The following MACF1 variants were observed in gnomAD, a reference collection of about 807,000 sequenced individuals.
MACF1 encodes the protein microtubule actin crosslinking factor 1.
Under a neutral mutation model 854.8 loss-of-function variants are expected in MACF1, and 193 were observed. The observed-to-expected ratio is 0.23, with a 90% CI of 0.20 to 0.25. The LOEUF is 0.25. Ranked by LOEUF, MACF1 falls within the 10% of genes least tolerant of loss-of-function variation. The pLI is 1.00. For missense variants in MACF1, 7,722 were observed against 8,929.1 expected (o/e 0.86, Z 5.45); for synonymous variants, 3,185 against 3,226.7 (o/e 0.99, Z 0.44).
rs774053238 is a variant in MACF1, at chr1:39,385,891, C to G, written c.14306C>G (p.Thr4769Arg). 1.2e-6 allele frequency: 2 copies of G among 1,613,092 alleles called. No homozygotes were observed. The highest frequency in any genetic ancestry group is 1.1e-5 in the South Asian group (1 of 91,026). Residue 4769 changes from threonine (T) to arginine (R), a missense_variant, in exon 57 of 101, where the codon ACA becomes AGA. This residue lies in a region of MACF1 where 2,807 missense variants were observed against 3,235.8 expected (regional missense o/e 0.87). Transcript: ENST00000564288. ...LKDELKKRLETVALPLQGLED... is the reference protein window; with the variant it reads ...LKDELKKRLERVALPLQGLED... ...GATGAACTGAAGAAGCGTTTGGAGA[C>G]AGTTGCCCTGCCTCTCCAAGGTTTA...
At position 39,283,340 on chromosome 1, in the gene MACF1, A is replaced by G; in HGVS notation, c.808+39A>G. On this transcript the variant is annotated intron_variant, in intron 8 of 100. Coordinates refer to ENST00000564288, the MANE Select transcript of MACF1 (RefSeq NM_001394062.1). This position sits in a 1 kb window ranked among gnomAD's most constrained non-coding sequence, Gnocchi z 4.5. ...TACTGAACTTGAGTAAGGAACACGT[A>G]TTCAGTATTCCTTCTTCTGGCAAGT... is the stretch of plus-strand genomic sequence containing the variant. 1 of 1,581,926 alleles carries G rather than the reference A, an allele frequency of 6.3e-7. No individual in the cohort carries two copies.
At chr1:39,247,045 G>C (rs1021160748) in intron 2 of MACF1, among the ~76,000 whole-genome samples, 1 of 150,384 alleles carries the variant, frequency 6.6e-6, no homozygotes, top group Non-Finnish European at 1.5e-5. Context: ...GGGATTACAG[G>C]TGCATACCAC....
intron 43 of MACF1, among the ~76,000 whole-genome samples, chr1:39,351,440 G>C (rs1051106072): frequency 6.6e-6 from 1 of 151,966 alleles, no homozygotes; most frequent in Non-Finnish European, 1.5e-5. Context: ...CAGGACAGTT[G>C]GTAAAAAGTA....
chr1:39,304,316 A>G, intron 23 of MACF1: 1 of 696,090 alleles, frequency 1.4e-6, no homozygotes, highest in South Asian at 1.4e-5. Context: ...CTTTCCAAGA[A>G]TGTCACCGTC....
chr1:39,422,834 C>T lies in MACF1; in HGVS notation c.16083C>T (p.Leu5361=). 6.2e-7 allele frequency: 1 copy of T among 1,614,142 alleles called. No individual in the cohort carries two copies. The highest frequency in any genetic ancestry group is 8.5e-7 in the Non-Finnish European group (1 of 1,180,010). The change falls in exon 60 of 101, where the codon CTC becomes CTT. Residue 5361 remains leucine (L), a synonymous_variant. Transcript: ENST00000564288. ...GCTGGTTGGCAGATACCGAGGAGCT[C>T]ATAGCCAATCAGAAACCTCCATCTG... ...LLSWLADTEE[L]IANQKPPSAE... is the part of the protein sequence containing the mutation.
chr1:39,325,893 A>C (rs977336890), intron 35 of MACF1, among the ~76,000 whole-genome samples: 1 of 152,184 alleles, frequency 6.6e-6, no homozygotes, highest in Non-Finnish European at 1.5e-5. Context: ...ATTGTCAGGA[A>C]GTATTGTGAC....
At chr1:39,297,853 A>T (rs974803804) in intron 21 of MACF1, 108 bp downstream of exon 21, 78 of 1,334,932 alleles carry the variant, frequency 5.8e-5, no homozygotes, top group Non-Finnish European at 7.4e-5. Context: ...CCATTGTTGT[A>T]ATAAAGTTTG....
chr1:39,370,808 T>G (rs1292856639), intron 51 of MACF1, among the ~76,000 whole-genome samples: 1 of 152,126 alleles, frequency 6.6e-6, no homozygotes, highest in Non-Finnish European at 1.5e-5. Flanking sequence ...TGTTTCACAG[T>G]GCCCATGGTG....
At chr1:39,347,485 C>T (rs542372070) in intron 41 of MACF1, among the ~76,000 whole-genome samples, 3 of 152,276 alleles carry the variant, frequency 2.0e-5, no homozygotes, top group South Asian at 2.1e-4. Flanking sequence ...ACTTTTCCTT[C>T]GCTGTATCTC....
Position 39,443,495 on chromosome 1 carries a change from G to A in MACF1, c.19352G>A (p.Arg6451Lys). Residue 6451 changes from arginine (R) to lysine (K), a missense_variant, in exon 79 of 101, where the codon AGA becomes AAA. Coordinates refer to ENST00000564288, the MANE Select transcript of MACF1 (RefSeq NM_001394062.1). ...EIEDFLLELT[R>K]MESQLSASKP... ...GAAGATTTCCTCTTGGAACTTACTA[G>A]AATGGAGAGCCAGCTTTCTGCATCT... The A allele has an allele frequency of 6.2e-7, 1 of 1,613,866 alleles. No homozygotes were observed. Among genetic ancestry groups the A allele is most frequent in the Non-Finnish European group, 8.5e-7 (1 of 1,179,944 alleles).
intron 32 of MACF1, 26 bp from the exon 33 acceptor site, chr1:39,322,884 A>C (rs766360366): frequency 2.1e-5 from 33 of 1,598,300 alleles, no homozygotes; most frequent in Admixed American, 5.0e-5. Flanking sequence ...CAGACGATTT[A>C]TTTAAATTGT....
chr1:39,358,663 C>T, intron 45 of MACF1, 34 bp from the exon 46 acceptor site: 1 of 1,607,912 alleles, frequency 6.2e-7, no homozygotes, highest in Non-Finnish European at 8.5e-7. Flanking sequence ...CCTGACCTTG[C>T]TTAAGTCTGC....
chr1:39,404,627 C>G (rs1382394088), intron 58 of MACF1, among the ~76,000 whole-genome samples: 1 of 152,158 alleles, frequency 6.6e-6, no homozygotes, highest in Non-Finnish European at 1.5e-5. Flanking sequence ...GTAGCTAGGA[C>G]TACAGATGCA....
Position 39,447,879 on chromosome 1 carries a change from C to T in MACF1, c.19949C>T (p.Ala6650Val), listed in dbSNP as rs2148673762. 1.2e-6 allele frequency: 2 copies of T among 1,613,774 alleles called. No homozygotes were observed. The highest frequency in any genetic ancestry group is 4.5e-5 in the East Asian group (2 of 44,866). The stretch of plus-strand genomic sequence containing the variant: ...GAAAGAGGGCGATCACTAGATGATG[C>T]CAGGAAGCGGGCAAAACAAGTAAGT... ...SIERGRSLDD[A>V]RKRAKQFHEA... The change falls in exon 82 of 101, where the codon GCC becomes GTC. Residue 6650 changes from alanine to valine, a missense_variant. Physicochemically the swap from Ala to Val is moderately conservative, Grantham distance 64. Transcript: ENST00000564288.
intron 58 of MACF1, among the ~76,000 whole-genome samples, chr1:39,421,204 T>C (rs1643524224): frequency 6.6e-6 from 1 of 152,228 alleles, no homozygotes; most frequent in Non-Finnish European, 1.5e-5. Flanking sequence ...CATTCTCTTC[T>C]GACCCTTTTT....
At chr1:39,199,379 C>T (rs950392664) in intron 2 of MACF1, among the ~76,000 whole-genome samples, 2 of 151,754 alleles carry the variant, frequency 1.3e-5, no homozygotes, top group East Asian at 2.0e-4. Flanking sequence ...CAGTGGCTCA[C>T]GCCTGTAATC....
intron 2 of MACF1, among the ~76,000 whole-genome samples, chr1:39,237,950 A>G (rs371987741): frequency 2.2e-4 from 34 of 152,310 alleles, no homozygotes; most frequent in African/African-American, 7.0e-4. Context: ...AAACTTGTCA[A>G]TGTTGTTCCT....
intron 58 of MACF1, among the ~76,000 whole-genome samples, chr1:39,398,593 T>C (rs185779752): frequency 2.0e-5 from 3 of 152,340 alleles, no homozygotes; most frequent in South Asian, 2.1e-4. Flanking sequence ...TTTTGCCATC[T>C]TCAGATCCCA....
intron 1 of MACF1, among the ~76,000 whole-genome samples, chr1:39,226,342 AT>A (rs5773656): frequency 0.14 from 19,431 of 141,934 alleles, 1,397 homozygotes; most frequent in East Asian, 0.19. Flanking sequence ...TATGGATAGT[AT>A]TTTTTTTTTT....
Sources: allele counts gnomAD v4.1 joint callset (sites outside exome capture counted in the v4.1 genomes callset), GRCh38; gene constraint gnomAD v4.1.1; regional missense constraint gnomAD v4.1.1; non-coding constraint Gnocchi (gnomAD v3.1); transcripts MANE v1.5; gene names NCBI Gene and HGNC (gene_info 2026-07-23, HGNC 2026-07-21).